Variants in DACH1 observed in about 807,000 individuals in gnomAD.
DACH1 encodes dachshund family transcription factor 1, also known as dachshund homolog 1.
DACH1 carries 12 observed loss-of-function variants against 54.2 expected under a neutral mutation model. The observed-to-expected ratio is 0.22, with a 90% confidence interval of 0.14 to 0.36. The LOEUF is 0.36. Ranked by LOEUF, DACH1 falls within the 10% of genes least tolerant of loss-of-function variation. DACH1 has a pLI of 1.00. For missense variants in DACH1, 805 were observed against 929.8 expected, an observed-to-expected ratio of 0.87 and a Z score of 1.75; for synonymous variants, 386 against 366.2, an observed-to-expected ratio of 1.05 and a Z score of -0.62.
At position 71,668,572 on chromosome 13, in the gene DACH1, GA is replaced by G. The variant is rs561803949; in HGVS notation, c.964+13222del. 9.2e-3 allele frequency among the ~76,000 whole-genome samples: 1,399 copies of G among 151,336 alleles called. 11 individuals carry two copies. The highest frequency in any genetic ancestry group is 0.049 in the Middle Eastern group (14 of 288). ...AATGACATAAGAGAACTGTATCAGG[GA>G]AAAAAATATTTTATTTGATCTAATT... is the stretch of plus-strand genomic sequence containing the variant. On this transcript the variant is annotated intron_variant, in intron 2 of 10. Coordinates refer to ENST00000613252, the MANE Select transcript of DACH1 (RefSeq NM_080759.6).
intron 2 of DACH1, among the ~76,000 whole-genome samples, chr13:71,677,321 T>C (rs957953079): frequency 1.3e-5 from 2 of 152,220 alleles, no homozygotes; most frequent in African/African-American, 2.4e-5. Flanking sequence ...CTTGTGTGAC[T>C]CTACAAAGAA....
chr13:71,595,751 T>C (rs1323535829), intron 3 of DACH1, among the ~76,000 whole-genome samples: 1 of 152,062 alleles, frequency 6.6e-6, no homozygotes, highest in Non-Finnish European at 1.5e-5. Flanking sequence ...ACTGCAAACA[T>C]CTCCTTGTAT....
At position 71,438,239 on chromosome 13, in the gene DACH1, T is replaced by C. The variant is rs1873686874; in HGVS notation, c.*2416A>G. 6.6e-6 allele frequency: 1 copy of C among 152,418 alleles called. No individual in the cohort carries two copies. The highest frequency in any genetic ancestry group is 6.6e-5 in the Admixed American group (1 of 15,258). 9.4% of individuals were successfully genotyped at this position (152,418 alleles called of 1,614,324 possible). A position where few individuals can be genotyped will look rare whatever the true frequency, so the allele number is the denominator to read the frequency against. On this transcript the variant is annotated 3_prime_UTR_variant, in exon 11 of 11. Transcript: ENST00000613252. ...GTCCTACATGAAGATGAGTATGTTC[T>C]GTTCCAAGGGCTTGCATAGAGCGCA...
intron 5 of DACH1, among the ~76,000 whole-genome samples, chr13:71,559,216 A>T (rs1160394759): frequency 6.6e-6 from 1 of 152,140 alleles, no homozygotes; most frequent in African/African-American, 2.4e-5. Context: ...AATAACACAC[A>T]GCCCTACTTT....
At chr13:71,864,548 A>C (rs930338213) in intron 1 of DACH1, among the ~76,000 whole-genome samples, 4 of 152,060 alleles carry the variant, frequency 2.6e-5, no homozygotes, top group Non-Finnish European at 5.9e-5. Context: ...GAGGGTACCG[A>C]AGTTTCTGCG....
rs551971730 is a variant in DACH1 at position 71,726,089 on chromosome 13, TC to T, written c.849-44180del. The stretch of plus-strand genomic sequence containing the variant: ...TTCAGTTGAGGTCCTCACAGATGCT[TC>T]CCCCTCAGAATCTCAGCTATGGACC... On this transcript the variant is annotated intron_variant, in intron 1 of 10. Transcript: ENST00000613252. Among the ~76,000 whole-genome samples, 61 of 152,168 alleles carry T rather than the reference TC, an allele frequency of 4.0e-4. No homozygotes were observed. In the East Asian group the frequency reaches 8.5e-3, roughly 21 times the overall value.
At chr13:71,681,165 C>T (rs1189359412) in intron 2 of DACH1, among the ~76,000 whole-genome samples, 2 of 151,970 alleles carry the variant, frequency 1.3e-5, no homozygotes, top group African/African-American at 4.8e-5. Context: ...AATTAATGAA[C>T]CCATTCAGGG....
At chr13:71,845,309 G>T (rs7339281) in intron 1 of DACH1, among the ~76,000 whole-genome samples, 69 of 152,046 alleles carry the variant, frequency 4.5e-4, no homozygotes, top group African/African-American at 1.6e-3. Context: ...ACCCCACTAA[G>T]GAATTTGCAC....
At chr13:71,469,229 A>C (rs958609714) in intron 10 of DACH1, among the ~76,000 whole-genome samples, 12 of 152,140 alleles carry the variant, frequency 7.9e-5, no homozygotes, top group Admixed American at 7.9e-4. Flanking sequence ...GGCTCAATAC[A>C]TTTCAGTTCC....
chr13:71,571,541 T>C (rs1885197161), intron 4 of DACH1, among the ~76,000 whole-genome samples: 1 of 152,164 alleles, frequency 6.6e-6, no homozygotes, highest in Non-Finnish European at 1.5e-5. Context: ...ACTGGCGCTC[T>C]CTGAGGTGGT....
intron 1 of DACH1, among the ~76,000 whole-genome samples, chr13:71,820,043 A>T (rs1888123468): frequency 6.9e-6 from 1 of 144,630 alleles, no homozygotes. Context: ...GAAGTGGGAG[A>T]ATCACTTGAG....
chr13:71,475,303 T>A, intron 9 of DACH1, 94 bp from the exon 10 acceptor site: 1 of 989,022 alleles, frequency 1.0e-6, no homozygotes, highest in Non-Finnish European at 1.6e-6. Flanking sequence ...GGTGCTGAAT[T>A]AAAATTACGT....
chr13:71,783,600 C>T (rs922026775), intron 1 of DACH1, among the ~76,000 whole-genome samples: 7 of 151,940 alleles, frequency 4.6e-5, no homozygotes, highest in Non-Finnish European at 1.0e-4. Context: ...ACGATACCTG[C>T]CCCCAAGAGC....
intron 1 of DACH1, among the ~76,000 whole-genome samples, chr13:71,822,061 AAAAAG>A (rs931472895): frequency 4.6e-5 from 7 of 152,292 alleles, no homozygotes; most frequent in East Asian, 1.9e-4. Context: ...TTCCATCAAA[AAAAAG>A]AAAAGAAAAG....
intron 1 of DACH1, among the ~76,000 whole-genome samples, chr13:71,764,424 TAA>T (rs533950139): frequency 6.6e-6 from 1 of 151,692 alleles, no homozygotes; most frequent in Non-Finnish European, 1.5e-5. Context: ...TAAATTAGGA[TAA>T]AAAAATTGTA....
intron 6 of DACH1, among the ~76,000 whole-genome samples, chr13:71,508,581 C>G (rs1459041050): frequency 6.6e-6 from 1 of 152,044 alleles, no homozygotes; most frequent in Non-Finnish European, 1.5e-5. Context: ...GTCCTCCCAC[C>G]TCAGCCTCCT....
At chr13:71,472,425 A>C (rs1311426505) in intron 10 of DACH1, among the ~76,000 whole-genome samples, 1 of 152,220 alleles carries the variant, frequency 6.6e-6, no homozygotes, top group Non-Finnish European at 1.5e-5. Flanking sequence ...GTAATTACTT[A>C]GCACTCAAGC....
At chr13:71,809,691 A>T (rs1473775728) in intron 1 of DACH1, among the ~76,000 whole-genome samples, 1 of 152,216 alleles carries the variant, frequency 6.6e-6, no homozygotes, top group Non-Finnish European at 1.5e-5. Context: ...TTATTTGATA[A>T]TAACTTCACA....
At chr13:71,495,813 A>G (rs1477038087) in intron 6 of DACH1, among the ~76,000 whole-genome samples, 1 of 152,200 alleles carries the variant, frequency 6.6e-6, no homozygotes. Context: ...ACTGGATACC[A>G]GCCCATAAGG....
Sources: allele counts gnomAD v4.1 joint callset (sites outside exome capture counted in the v4.1 genomes callset), GRCh38; gene constraint gnomAD v4.1.1; transcripts MANE v1.5; gene names NCBI Gene and HGNC (gene_info 2026-07-23, HGNC 2026-07-21).